The following OTUD7A variants were observed in gnomAD, a reference collection of about 807,000 sequenced individuals.
OTUD7A encodes OTU deubiquitinase 7A.
A neutral mutation model predicts 65.7 loss-of-function variants in OTUD7A; 12 were observed. The observed-to-expected ratio is 0.18, with a 90% CI of 0.12 to 0.30. OTUD7A has a LOEUF of 0.30. OTUD7A is among the 10% of genes least tolerant of loss of function. The probability of loss-of-function intolerance (pLI) is 1.00; values close to 1 mark genes in which losing one functional copy is unlikely to be tolerated. For missense variants in OTUD7A, 1,148 were observed against 1,304.8 expected (o/e 0.88, Z 1.85); for synonymous variants, 641 against 586.3 (o/e 1.09, Z -1.35).
intron 1 of OTUD7A, among the ~76,000 whole-genome samples, chr15:31,738,850 G>A (rs1171607718): frequency 4.6e-5 from 7 of 152,286 alleles, no homozygotes; most frequent in East Asian, 1.9e-4. Flanking sequence ...ACTCTTCAGC[G>A]GACGATTTTA....
intron 4 of OTUD7A, among the ~76,000 whole-genome samples, chr15:31,563,397 A>T (rs1475520940): frequency 6.6e-6 from 1 of 152,218 alleles, no homozygotes; most frequent in East Asian, 1.9e-4. Context: ...ATGAAACCGA[A>T]TTTAAGAATA....
intron 1 of OTUD7A, among the ~76,000 whole-genome samples, chr15:31,779,068 T>C (rs888239006): frequency 5.3e-5 from 8 of 152,226 alleles, no homozygotes; most frequent in African/African-American, 1.9e-4. Context: ...AAATACTCCA[T>C]TTCCACAGCA....
At chr15:31,739,237 T>C (rs1324305685) in intron 1 of OTUD7A, among the ~76,000 whole-genome samples, 2 of 152,134 alleles carry the variant, frequency 1.3e-5, no homozygotes, top group Non-Finnish European at 2.9e-5. Context: ...CACCTGTGGA[T>C]TGGCTTTCTA....
At position 31,622,582 on chromosome 15, in the gene OTUD7A, G is replaced by A. The variant is rs563231862; in HGVS notation, c.151+32514C>T. 1.9e-3 allele frequency among the ~76,000 whole-genome samples: 292 copies of A among 152,144 alleles called. 1 individual carries two copies. Among genetic ancestry groups the A allele is most frequent in the African/African-American group, 6.4e-3 (267 of 41,518 alleles). On this transcript the variant is annotated intron_variant, in intron 3 of 12. Transcript: ENST00000307050. ...GGCTACTGAAGCTTGTGCATTCGTCGCGTAGTTCTCATGCCATGGTTTTCA... is the reference window on the plus strand; with the variant it reads ...GGCTACTGAAGCTTGTGCATTCGTCACGTAGTTCTCATGCCATGGTTTTCA...
At chr15:31,618,672 T>C (rs1890673610) in intron 3 of OTUD7A, among the ~76,000 whole-genome samples, 3 of 152,208 alleles carry the variant, frequency 2.0e-5, no homozygotes, top group Admixed American at 2.0e-4. Flanking sequence ...ATTCTGGATA[T>C]TAGCCCTTTG....
At chr15:31,769,001 T>C (rs1895161802) in intron 1 of OTUD7A, among the ~76,000 whole-genome samples, 1 of 152,090 alleles carries the variant, frequency 6.6e-6, no homozygotes, top group Non-Finnish European at 1.5e-5. Context: ...AAACTGTCCA[T>C]CTAAGTACAA....
At chr15:31,496,243 A>C (rs1250953063) in intron 10 of OTUD7A, among the ~76,000 whole-genome samples, 4 of 146,942 alleles carry the variant, frequency 2.7e-5, no homozygotes, top group Non-Finnish European at 4.5e-5. Context: ...TTTTTTTGAG[A>C]TGGAGTCTCG....
chr15:31,594,815 G>A (rs1401539642), intron 3 of OTUD7A, among the ~76,000 whole-genome samples: 1 of 152,224 alleles, frequency 6.6e-6, no homozygotes, highest in Non-Finnish European at 1.5e-5. Context: ...TGGTGACAGG[G>A]ATGGGTGCAG....
Position 31,501,703 on chromosome 15 carries a change from C to T in OTUD7A, c.1158G>A (p.Gln386=), listed in dbSNP as rs761586611. 1.2e-5 allele frequency: 20 copies of T among 1,614,086 alleles called. No homozygotes were observed. Among genetic ancestry groups the T allele is most frequent in the Non-Finnish European group, 1.6e-5 (19 of 1,180,042 alleles). The part of the protein sequence containing the change: ...SALVSMEQRD[Q]QREQAVIPLT... ...AGACAGGCATACCTTGTTCTCTTTG[C>T]TGGTCTCTCTGTTCCATGGACACAA... The change falls in exon 10 of 13, where the codon CAG becomes CAA. Residue 386 remains glutamine (Q), a synonymous_variant. Transcript: ENST00000307050.
chr15:31,570,393 G>A (rs1221226071), intron 3 of OTUD7A, among the ~76,000 whole-genome samples, 196 bp from the exon 4 acceptor site: 3 of 150,790 alleles, frequency 2.0e-5, no homozygotes, highest in Non-Finnish European at 2.9e-5. Context: ...CATAAGTGAC[G>A]TCCATCTAAA....
At chr15:31,505,397 A>G (rs933844362) in intron 8 of OTUD7A, among the ~76,000 whole-genome samples, 2 of 152,218 alleles carry the variant, frequency 1.3e-5, no homozygotes, top group African/African-American at 4.8e-5. Flanking sequence ...TATAAAGTAT[A>G]CTGATTTTTT....
intron 1 of OTUD7A, among the ~76,000 whole-genome samples, chr15:31,825,371 A>G (rs1193615916): frequency 6.6e-6 from 1 of 152,248 alleles, no homozygotes; most frequent in African/African-American, 2.4e-5. Context: ...CAAGGAAAGA[A>G]TAAGAAAGAT....
At chr15:31,695,073 C>T (rs1893045400) in intron 1 of OTUD7A, among the ~76,000 whole-genome samples, 1 of 152,204 alleles carries the variant, frequency 6.6e-6, no homozygotes. Flanking sequence ...TCTCGATCCC[C>T]TGACCTTGCG....
chr15:31,557,655 T>G (rs1204573208), intron 5 of OTUD7A: 1 of 152,240 alleles, frequency 6.6e-6, no homozygotes, highest in Non-Finnish European at 1.5e-5. Flanking sequence ...ACTAGTGTCC[T>G]TAAATCCTGC....
Position 31,628,041 on chromosome 15 carries a change from C to T in OTUD7A, c.151+27055G>A, listed in dbSNP as rs76340506. ...CAAAAATTTTCTCCCATTTTGTAGG[C>T]TGCCTGTTCACTCTGATGGTAGTTT... On this transcript the variant is annotated intron_variant, in intron 3 of 12. Transcript: ENST00000307050. Among the ~76,000 whole-genome samples, 10 of 152,102 alleles carry T rather than the reference C, an allele frequency of 6.6e-5. 1 individual carries two copies. The highest frequency in any genetic ancestry group is 5.8e-4 in the East Asian group (3 of 5,178).
intron 3 of OTUD7A, among the ~76,000 whole-genome samples, chr15:31,618,146 T>C (rs1335290480): frequency 1.3e-5 from 2 of 152,222 alleles, no homozygotes; most frequent in African/African-American, 4.8e-5. Context: ...CCATGGTGTA[T>C]ATGTGCCACA....
chr15:31,855,032 C>A (rs980066437), intron 1 of OTUD7A, among the ~76,000 whole-genome samples: 2 of 151,946 alleles, frequency 1.3e-5, no homozygotes, highest in African/African-American at 4.8e-5. Flanking sequence ...AAAGAGATGA[C>A]AAATATAAGA....
In OTUD7A at chr15:31,857,774, A is replaced by C. The variant is rs557564253; in HGVS notation, c.-100+12733T>G. ...GAAGGGTATTACCACTTGATTGCTC[A>C]CTTTTTCTTAGTAATGTCTACTTTG... On this transcript the variant is annotated intron_variant, in intron 1 of 12. Transcript: ENST00000307050. Among the ~76,000 whole-genome samples the C allele has an allele frequency of 1.1e-4, 16 of 152,292 alleles. 1 individual carries two copies. Among genetic ancestry groups the C allele is most frequent in the African/African-American group, 3.8e-4 (16 of 41,570 alleles).
intron 1 of OTUD7A, among the ~76,000 whole-genome samples, chr15:31,724,493 A>G (rs537187556): frequency 4.6e-5 from 7 of 152,210 alleles, no homozygotes; most frequent in African/African-American, 7.2e-5. Flanking sequence ...TGCTTCATCA[A>G]TGATTTGAAA....
Sources: allele counts gnomAD v4.1 joint callset (sites outside exome capture counted in the v4.1 genomes callset), GRCh38; gene constraint gnomAD v4.1.1; transcripts MANE v1.5; gene names NCBI Gene and HGNC (gene_info 2026-07-23, HGNC 2026-07-21).